The following ZZEF1 variants were observed in gnomAD, a reference collection of about 807,000 sequenced individuals.
ZZEF1 encodes zinc finger ZZ-type and EF-hand domain-containing protein 1.
A neutral mutation model predicts 342.8 loss-of-function variants in ZZEF1; 157 were observed. The observed-to-expected ratio is 0.46, with a 90% CI of 0.40 to 0.52. The LOEUF is 0.52. Ranked by LOEUF, ZZEF1 falls within the 20% of genes least tolerant of loss-of-function variation. The pLI is 0.00. For synonymous variants in ZZEF1, 1,505 were observed against 1,429.1 expected, an observed-to-expected ratio of 1.05 and a Z score of -1.20; for missense variants, 3,480 against 3,725.6, an observed-to-expected ratio of 0.93 and a Z score of 1.72.
chr17:4,029,459 T>A (rs573659276), intron 42 of ZZEF1, among the ~76,000 whole-genome samples: 1 of 151,360 alleles, frequency 6.6e-6, no homozygotes, highest in Non-Finnish European at 1.5e-5. Flanking sequence ...AAAAAAATTG[T>A]GAGATGTTCC....
At chr17:4,096,491 T>A in intron 10 of ZZEF1, 118 bp downstream of exon 10, 1 of 805,884 alleles carries the variant, frequency 1.2e-6, no homozygotes, top group Non-Finnish European at 2.1e-6. Flanking sequence ...TTATTTCACA[T>A]TGCATGCCTG....
At chr17:4,132,480 C>T (rs890788323) in intron 1 of ZZEF1, among the ~76,000 whole-genome samples, 2 of 152,124 alleles carry the variant, frequency 1.3e-5, no homozygotes, top group African/African-American at 2.4e-5. Context: ...GGGCGGTTCA[C>T]GAGGTCAGGG....
chr17:4,056,400 G>T (rs2145190782), intron 32 of ZZEF1, 55 bp from the exon 33 acceptor site: 1 of 1,511,472 alleles, frequency 6.6e-7, no homozygotes, highest in Non-Finnish European at 8.9e-7. Flanking sequence ...ACCAAGGAAA[G>T]TACTGGTTAG....
At chr17:4,056,117 G>C in intron 33 of ZZEF1, 99 bp downstream of exon 33, 1 of 1,292,416 alleles carries the variant, frequency 7.7e-7, no homozygotes, top group South Asian at 2.3e-5. Flanking sequence ...GCCACCTGCA[G>C]CCCTCTCAGG....
chr17:4,057,408 G>C (rs1406244729), intron 32 of ZZEF1, among the ~76,000 whole-genome samples: 1 of 152,140 alleles, frequency 6.6e-6, no homozygotes, highest in Non-Finnish European at 1.5e-5. Flanking sequence ...TCTCCTCTTA[G>C]TGCATTCCCC....
rs1452797001 is a variant in ZZEF1, at chr17:4,036,813, A to ACT, written c.6307-2522_6307-2521insAG. Among the ~76,000 whole-genome samples the ACT allele has an allele frequency of 4.1e-5, 4 of 96,664 alleles. No individual in the cohort carries two copies. In the East Asian group the frequency reaches 8.5e-4, roughly 21 times the overall value. 63.4% of individuals were successfully genotyped at this position (96,664 alleles called of 152,430 possible). A position where few individuals can be genotyped will look rare whatever the true frequency, so the allele number is the denominator to read the frequency against. On this transcript the variant is annotated intron_variant, in intron 39 of 54. Transcript: ENST00000381638. ...CACACACACACACACACACACACAC[A>ACT]CACACTCTCTCTCTCTCTCTCTCTC...
intron 45 of ZZEF1, 83 bp downstream of exon 45, chr17:4,021,045 GT>G (rs2056255987): frequency 7.0e-7 from 1 of 1,428,320 alleles, no homozygotes; most frequent in African/African-American, 1.4e-5. Flanking sequence ...GCATTTTCAT[GT>G]TTAGGCTAAA....
rs1262684346 is a variant in ZZEF1 at position 4,084,016 on chromosome 17, ATTATTT to A, written c.2647-1518_2647-1513del. ...AACAAATAAATATTTGTTTTATTCT[ATTATTT>A]TTAACACTTCTTTCCCTTGTCCTAC... On this transcript the variant is annotated intron_variant, in intron 16 of 54. Transcript: ENST00000381638. Among the ~76,000 whole-genome samples the A allele has an allele frequency of 2.2e-4, 34 of 152,260 alleles. 1 individual carries two copies. The East Asian group carries it at 4.0e-3, about 18-fold the overall frequency.
chr17:4,085,888 A>C, intron 15 of ZZEF1, 85 bp from the exon 16 acceptor site: 1 of 1,526,540 alleles, frequency 6.6e-7, no homozygotes, highest in Non-Finnish European at 8.9e-7. Context: ...TAAATTCACT[A>C]CTCTCCATTT....
chr17:4,106,902 T>C (rs575041925), intron 6 of ZZEF1, among the ~76,000 whole-genome samples: 1 of 152,328 alleles, frequency 6.6e-6, no homozygotes, highest in Non-Finnish European at 1.5e-5. Context: ...ATTTCATTTC[T>C]ACATTTCAAA....
chr17:4,040,150 C>T (rs114017930), intron 39 of ZZEF1, among the ~76,000 whole-genome samples: 123 of 152,238 alleles, frequency 8.1e-4, no homozygotes, highest in African/African-American at 2.5e-3. Flanking sequence ...CACAGGGGTC[C>T]GGATGAAAAG....
intron 39 of ZZEF1, among the ~76,000 whole-genome samples, chr17:4,038,331 A>G (rs2056722010): frequency 6.6e-6 from 1 of 152,244 alleles, no homozygotes; most frequent in Non-Finnish European, 1.5e-5. Flanking sequence ...AGCCACAGAC[A>G]GGTGTGCTCA....
intron 19 of ZZEF1, 98 bp downstream of exon 19, chr17:4,077,785 C>A: frequency 7.9e-7 from 1 of 1,263,440 alleles, no homozygotes; most frequent in Non-Finnish European, 1.1e-6. Context: ...ATGAAGAAAG[C>A]CATATGCACA....
Position 4,005,611 on chromosome 17 carries a change from C to G in ZZEF1, c.*1279G>C, listed in dbSNP as rs9890230. The G allele has an allele frequency of 0.14, 21,836 of 152,398 alleles. 1,896 individuals carry two copies. Among genetic ancestry groups the G allele is most frequent in the African/African-American group, 0.24 (10,083 of 41,560 alleles). The allele number at this position is 152,398 out of a possible 1,614,324, so 9.4% of individuals were successfully genotyped here. A position where few individuals can be genotyped will look rare whatever the true frequency, so the allele number is the denominator to read the frequency against. ...GACTTGGGCCCTTGCAATCCAGATC[C>G]CTGCAGACCCTGCACAGAGGGATCT... On this transcript the variant is annotated 3_prime_UTR_variant, in exon 55 of 55. Transcript: ENST00000381638.
At chr17:4,030,015 C>A in intron 42 of ZZEF1, among the ~76,000 whole-genome samples, 2 of 143,606 alleles carry the variant, frequency 1.4e-5, no homozygotes, top group Admixed American at 7.1e-5. Flanking sequence ...GGGCAACATG[C>A]TGAGATCCTA....
rs773292200 is a variant in ZZEF1 at position 4,051,993 on chromosome 17, C to A, written c.5578G>T (p.Ala1860Ser). The A allele has an allele frequency of 9.6e-5, 155 of 1,613,946 alleles. No individual in the cohort carries two copies. In the Admixed American group the frequency reaches 2.6e-3, roughly 27 times the overall value. Residue 1860 changes from alanine to serine, a missense_variant, in exon 35 of 55, where the codon GCA becomes TCA. Around this residue, in one of 5 missense-constraint regions of ZZEF1, gnomAD observed 175 missense variants for 254.6 expected, o/e 0.69. Transcript: ENST00000381638. ...DDFDLCYGCY[A>S]AKKYSYGHLP... ...TACCCGTAGGAGTATTTCTTCGCTG[C>A]ATAGCATCCGTAGCAAAGATCAAAG...
chr17:4,121,842 T>C (rs1217402988), intron 2 of ZZEF1, among the ~76,000 whole-genome samples: 1 of 151,724 alleles, frequency 6.6e-6, no homozygotes, highest in Non-Finnish European at 1.5e-5. Context: ...CCTGCCTCAG[T>C]ATCCCGAGTA....
intron 18 of ZZEF1, among the ~76,000 whole-genome samples, 164 bp downstream of exon 18, chr17:4,081,212 G>C (rs1232418962): frequency 6.6e-6 from 1 of 152,054 alleles, no homozygotes; most frequent in Non-Finnish European, 1.5e-5. Flanking sequence ...ACCCCAGCCC[G>C]GGTGACAGAG....
At chr17:4,071,506 G>A (rs1032310868) in intron 25 of ZZEF1, 2 of 152,378 alleles carry the variant, frequency 1.3e-5, no homozygotes, top group Non-Finnish European at 2.9e-5. Flanking sequence ...ATAATGCAGT[G>A]ATTATAAAAA....
Sources: allele counts gnomAD v4.1 joint callset (sites outside exome capture counted in the v4.1 genomes callset), GRCh38; gene constraint gnomAD v4.1.1; regional missense constraint gnomAD v4.1.1; transcripts MANE v1.5; gene names NCBI Gene and HGNC (gene_info 2026-07-23, HGNC 2026-07-21).